Variants in MIPOL1 observed in about 807,000 individuals in gnomAD.
The protein encoded by MIPOL1 is mirror-image polydactyly 1, also known as mirror-image polydactyly gene 1 protein.
A neutral mutation model predicts 60.9 loss-of-function variants in MIPOL1; 57 were observed. That is an observed-to-expected ratio of 0.94 (90% confidence interval 0.76 to 1.17). The LOEUF (loss-of-function observed/expected upper bound fraction) is 1.17, where lower values mean the gene tolerates loss of function less well. MIPOL1 is among the 50% of genes most tolerant of loss of function. MIPOL1 has a pLI of 0.00. For synonymous variants in MIPOL1, 179 were observed against 168.8 expected (o/e 1.06, Z -0.47); for missense variants, 551 against 511.6 (o/e 1.08, Z -0.74).
intron 9 of MIPOL1, among the ~76,000 whole-genome samples, chr14:37,357,483 TG>T (rs2091928722): frequency 6.6e-6 from 1 of 152,218 alleles, no homozygotes; most frequent in African/African-American, 2.4e-5. Flanking sequence ...ATTGTAGTTT[TG>T]ATTTGCATTT....
At chr14:37,338,590 G>A (rs751917301) in intron 9 of MIPOL1, among the ~76,000 whole-genome samples, 23 of 151,728 alleles carry the variant, frequency 1.5e-4, no homozygotes, top group Non-Finnish European at 2.9e-4. Flanking sequence ...TGTATTTTTA[G>A]TTGAGACAGG....
intron 1 of MIPOL1, among the ~76,000 whole-genome samples, chr14:37,221,540 A>G (rs1209893451): frequency 2.0e-5 from 3 of 152,200 alleles, no homozygotes; most frequent in Non-Finnish European, 4.4e-5. Context: ...TACAGGAAGC[A>G]TGGCTGGGGA....
At chr14:37,398,962 T>A (rs966111695) in intron 10 of MIPOL1, among the ~76,000 whole-genome samples, 2 of 152,222 alleles carry the variant, frequency 1.3e-5, no homozygotes, top group African/African-American at 4.8e-5. Flanking sequence ...ACCTCATTTT[T>A]GAAATAAGAA....
chr14:37,245,337 T>C (rs979558866), intron 1 of MIPOL1, among the ~76,000 whole-genome samples: 1 of 152,168 alleles, frequency 6.6e-6, no homozygotes, highest in African/African-American at 2.4e-5. Context: ...AGAAGAAAGA[T>C]GCATGAATGG....
intron 7 of MIPOL1, among the ~76,000 whole-genome samples, chr14:37,297,484 G>C (rs1184881583): frequency 6.6e-6 from 1 of 152,140 alleles, no homozygotes; most frequent in African/African-American, 2.4e-5. Context: ...GAAATAAAGG[G>C]CATTGAATTA....
intron 11 of MIPOL1, among the ~76,000 whole-genome samples, chr14:37,491,905 G>A (rs1270399266): frequency 6.6e-6 from 1 of 152,184 alleles, no homozygotes; most frequent in Non-Finnish European, 1.5e-5. Context: ...TATCCATTCT[G>A]AATATATTTC....
At chr14:37,393,086 A>G (rs2093288457) in intron 10 of MIPOL1, among the ~76,000 whole-genome samples, 1 of 152,160 alleles carries the variant, frequency 6.6e-6, no homozygotes, top group Non-Finnish European at 1.5e-5. Context: ...AAGCCATGTA[A>G]TGAGGCAGAG....
chr14:37,218,871 G>A (rs1307972155), intron 1 of MIPOL1, among the ~76,000 whole-genome samples: 1 of 148,644 alleles, frequency 6.7e-6, no homozygotes, highest in Non-Finnish European at 1.5e-5. Flanking sequence ...GCTGCAGTGA[G>A]CCATAATTGC....
chr14:37,357,207 T>C (rs1240729653), intron 9 of MIPOL1, among the ~76,000 whole-genome samples: 1 of 152,198 alleles, frequency 6.6e-6, no homozygotes, highest in Non-Finnish European at 1.5e-5. Flanking sequence ...GTGATTGTAC[T>C]AACTTACATT....
intron 1 of MIPOL1, among the ~76,000 whole-genome samples, chr14:37,217,272 A>T (rs997262955): frequency 6.6e-6 from 1 of 152,216 alleles, no homozygotes; most frequent in Non-Finnish European, 1.5e-5. Flanking sequence ...CCCAGTGATG[A>T]AAAGCCCAAG....
intron 11 of MIPOL1, among the ~76,000 whole-genome samples, chr14:37,478,108 A>G (rs138873152): frequency 6.6e-5 from 10 of 152,364 alleles, no homozygotes; most frequent in African/African-American, 1.7e-4. Context: ...TGCTAGAATG[A>G]CTACCATATA....
chr14:37,438,956 C>T (rs539755975), intron 11 of MIPOL1, among the ~76,000 whole-genome samples: 10 of 152,302 alleles, frequency 6.6e-5, no homozygotes, highest in South Asian at 2.1e-4. Context: ...CAATCACTAA[C>T]GTAACAACAA....
rs2082927897 is a variant in MIPOL1, at chr14:37,267,046, C to G, written c.128C>G (p.Thr43Ser). 1 of 1,613,790 alleles carries G rather than the reference C, an allele frequency of 6.2e-7. No homozygotes were observed. The highest frequency in any genetic ancestry group is 8.5e-7 in the Non-Finnish European group (1 of 1,179,940). Residue 43 changes from threonine to serine, a missense_variant, in exon 4 of 13, where the codon ACT becomes AGT. Thr to Ser is a moderately conservative substitution (Grantham distance 58). Transcript: ENST00000684589. ...GAGAAAAGTATGCATCGGAAATCCACTGAATTAGTTAATGAAATAACATGT... is the reference window on the plus strand; with the variant it reads ...GAGAAAAGTATGCATCGGAAATCCAGTGAATTAGTTAATGAAATAACATGT... ...NSEKSMHRKS[T>S]ELVNEITCEN... is the part of the protein sequence containing the mutation.
intron 7 of MIPOL1, among the ~76,000 whole-genome samples, chr14:37,296,425 G>A (rs1046068164): frequency 1.3e-5 from 2 of 152,140 alleles, no homozygotes; most frequent in African/African-American, 4.8e-5. Flanking sequence ...ACATTCAAAA[G>A]CTAGCATAAG....
chr14:37,212,672 G>T (rs1966886063), intron 1 of MIPOL1, among the ~76,000 whole-genome samples: 1 of 152,152 alleles, frequency 6.6e-6, no homozygotes, highest in Non-Finnish European at 1.5e-5. Context: ...ACATAGGCCT[G>T]GCTTGCTTTG....
At chr14:37,198,676 G>T (rs558538365) in intron 1 of MIPOL1, among the ~76,000 whole-genome samples, 10 of 152,194 alleles carry the variant, frequency 6.6e-5, no homozygotes, top group African/African-American at 2.4e-4. Context: ...CAAGACAGCC[G>T]CATTATTAGA....
chr14:37,252,244 T>G (rs78811308), intron 3 of MIPOL1, among the ~76,000 whole-genome samples: 6,009 of 151,904 alleles, frequency 0.04, 273 homozygotes, highest in African/African-American at 0.11. Context: ...GATTACATAT[T>G]TTTAATTTAT....
At chr14:37,403,161 A>G (rs991001622) in intron 10 of MIPOL1, among the ~76,000 whole-genome samples, 28 of 152,310 alleles carry the variant, frequency 1.8e-4, no homozygotes, top group African/African-American at 6.0e-4. Flanking sequence ...CAGAATAATT[A>G]TATGGCCTAA....
intron 3 of MIPOL1, among the ~76,000 whole-genome samples, chr14:37,257,490 C>T (rs896010034): frequency 5.9e-5 from 9 of 152,046 alleles, no homozygotes; most frequent in Admixed American, 4.6e-4. Context: ...GTTTGTTATG[C>T]AACACCTAGA....
Sources: allele counts gnomAD v4.1 joint callset (sites outside exome capture counted in the v4.1 genomes callset), GRCh38; gene constraint gnomAD v4.1.1; transcripts MANE v1.5; gene names NCBI Gene and HGNC (gene_info 2026-07-23, HGNC 2026-07-21).